ALG1: variants seen among roughly 807,000 people sequenced by gnomAD.
ALG1 encodes ALG1 chitobiosyldiphosphodolichol beta-mannosyltransferase, also known as chitobiosyldiphosphodolichol beta-mannosyltransferase.
ALG1 carries 58 observed loss-of-function variants against 55.1 expected under a neutral mutation model. The observed-to-expected ratio is 1.05, with a 90% CI of 0.85 to 1.31. ALG1 has a LOEUF of 1.31. ALG1 is among the 50% of genes most tolerant of loss of function. ALG1 has a pLI of 0.00. For synonymous variants in ALG1, 309 were observed against 247.0 expected, an observed-to-expected ratio of 1.25 and a Z score of -2.35; for missense variants, 761 against 598.6, an observed-to-expected ratio of 1.27 and a Z score of -2.83.
rs1482301120 is a variant in ALG1, at chr16:5,078,967, C to G, written c.862+89C>G. 5 of 1,594,712 alleles carry G rather than the reference C, an allele frequency of 3.1e-6. No homozygotes were observed. In the Admixed American group the frequency reaches 7.0e-5, roughly 22 times the overall value. On this transcript the variant is annotated intron_variant, in intron 7 of 12. Coordinates refer to ENST00000262374, the MANE Select transcript of ALG1 (RefSeq NM_019109.5). ...CTCACCCCTGCCAGTCCTGCATGCT[C>G]CCACCCTGCCACGGTCTCAATGAGA... is the stretch of plus-strand genomic sequence containing the variant.
At position 5,075,474 on chromosome 16, in the gene ALG1, T is replaced by C. The variant is rs145487895; in HGVS notation, c.477T>C (p.Tyr159=). 2.4e-5 allele frequency: 38 copies of C among 1,614,086 alleles called. No homozygotes were observed. The African/African-American group carries it at 4.7e-4, about 20-fold the overall frequency. Residue 159 remains tyrosine, a synonymous_variant, in exon 4 of 13, where the codon TAT becomes TAC. Coordinates refer to ENST00000262374, the MANE Select transcript of ALG1 (RefSeq NM_019109.5). ...AGCTCGTCATTGACTGGCACAACTATGGCTACTCCATCATGGGTCTGGTGC... is the reference window on the plus strand; with the variant it reads ...AGCTCGTCATTGACTGGCACAACTACGGCTACTCCATCATGGGTCTGGTGC... The part of the protein sequence containing the change: ...GSKLVIDWHN[Y]GYSIMGLVHG...
intron 6 of ALG1, 26 bp from the exon 7 acceptor site, chr16:5,078,731 C>T (rs1956959659): frequency 1.2e-6 from 2 of 1,612,410 alleles, no homozygotes; most frequent in African/African-American, 1.3e-5. Context: ...TATGGCCTCT[C>T]ACAGGCTTTT....
chr16:5,073,494 C>T, intron 3 of ALG1: 1 of 572,732 alleles, frequency 1.7e-6, no homozygotes, highest in Non-Finnish European at 3.1e-6. Flanking sequence ...TGTATTAACT[C>T]ATTTAGTCCT....
At chr16:5,076,575 G>T (rs1345673267) in intron 4 of ALG1, among the ~76,000 whole-genome samples, 1 of 152,210 alleles carries the variant, frequency 6.6e-6, no homozygotes. Context: ...AGAGGAACAG[G>T]CGATGATACC....
Position 5,075,467 on chromosome 16 carries a change from A to G in ALG1, c.470A>G (p.His157Arg). 1 of 1,614,146 alleles carries G rather than the reference A, an allele frequency of 6.2e-7. No homozygotes were observed. The highest frequency in any genetic ancestry group is 8.5e-7 in the Non-Finnish European group (1 of 1,180,038). ...LCGSKLVIDWHNYGYSIMGLV... is the reference protein window; with the variant it reads ...LCGSKLVIDWRNYGYSIMGLV... Reference sequence around the variant, plus strand: ...GGAAGCAAGCTCGTCATTGACTGGCACAACTATGGCTACTCCATCATGGGT... The same window carrying G: ...GGAAGCAAGCTCGTCATTGACTGGCGCAACTATGGCTACTCCATCATGGGT... The change falls in exon 4 of 13, where the codon CAC becomes CGC. Residue 157 changes from histidine to arginine, a missense_variant. His to Arg is a conservative substitution (Grantham distance 29). Coordinates refer to ENST00000262374, the MANE Select transcript of ALG1 (RefSeq NM_019109.5).
chr16:5,084,468 G>A (rs1376080461), intron 12 of ALG1: 1 of 580,660 alleles, frequency 1.7e-6, no homozygotes, highest in African/African-American at 1.9e-5. Flanking sequence ...CAGAGGCCGA[G>A]AGGAGGGTGC....
chr16:5,083,648 G>A (rs1261582866), intron 11 of ALG1, 34 bp from the exon 12 acceptor site: 3 of 1,600,558 alleles, frequency 1.9e-6, no homozygotes, highest in Non-Finnish European at 2.5e-6. Context: ...GTCTTCTACA[G>A]GCAGCTCTCA....
chr16:5,080,134 C>T (rs1167473880), intron 9 of ALG1, among the ~76,000 whole-genome samples: 1 of 143,624 alleles, frequency 7.0e-6, no homozygotes, highest in African/African-American at 2.6e-5. Context: ...GTGGTGCGAT[C>T]TCGGCTCACT....
chr16:5,078,442 G>T, intron 6 of ALG1: 1 of 615,628 alleles, frequency 1.6e-6, no homozygotes. Flanking sequence ...ACCCTGAGGT[G>T]TGCCCTGGGT....
rs709261 is a variant in ALG1, at chr16:5,084,971, A to G, written c.*90A>G. ...CTCAGGGCAAACCCTTTCGAGCAGC[A>G]CCTCCCAGTGGCCAGAAGCTGAAAT... On this transcript the variant is annotated 3_prime_UTR_variant, in exon 13 of 13. Transcript: ENST00000262374. The G allele has an allele frequency of 1.9e-6, 3 of 1,589,810 alleles. No homozygotes were observed. The African/African-American group carries it at 4.0e-5, about 21-fold the overall frequency.
chr16:5,079,737 T>A lies in ALG1; in HGVS notation c.902-11T>A. 1 of 1,611,668 alleles carries A rather than the reference T, an allele frequency of 6.2e-7. No individual in the cohort carries two copies. The highest frequency in any genetic ancestry group is 8.5e-7 in the Non-Finnish European group (1 of 1,179,582). On this transcript the variant is annotated splice_polypyrimidine_tract_variant and intron_variant, in intron 8 of 12. Coordinates refer to ENST00000262374, the MANE Select transcript of ALG1 (RefSeq NM_019109.5). ...AATTCCATGTAGAATTGTTTCTTTTTCTAAACACAGAGTTTGAACAACTGA... is the reference window on the plus strand; with the variant it reads ...AATTCCATGTAGAATTGTTTCTTTTACTAAACACAGAGTTTGAACAACTGA...
In ALG1 at chr16:5,073,269, C is replaced by G; in HGVS notation, c.390+13C>G. 1 of 1,609,700 alleles carries G rather than the reference C, an allele frequency of 6.2e-7. No individual in the cohort carries two copies. On this transcript the variant is annotated intron_variant, in intron 3 of 12. Coordinates refer to ENST00000262374, the MANE Select transcript of ALG1 (RefSeq NM_019109.5). ...TATCTTTCTCCAGGTGTGTATCAGCCTCTGCCTCCCTCTGTGAGAGCCATG... is the reference window on the plus strand; with the variant it reads ...TATCTTTCTCCAGGTGTGTATCAGCGTCTGCCTCCCTCTGTGAGAGCCATG...
chr16:5,077,814 C>G, intron 5 of ALG1, 93 bp from the exon 6 acceptor site: 2 of 1,245,718 alleles, frequency 1.6e-6, no homozygotes, highest in Non-Finnish European at 2.3e-6. Context: ...CTTGGATTCC[C>G]CAAGCGTCCT....
chr16:5,082,190 C>T (rs1220066042), intron 10 of ALG1, among the ~76,000 whole-genome samples: 1 of 152,106 alleles, frequency 6.6e-6, no homozygotes, highest in African/African-American at 2.4e-5. Context: ...GGTGATCTGC[C>T]CGCCTTGGCC....
At chr16:5,076,859 A>T (rs1252408588) in intron 4 of ALG1, among the ~76,000 whole-genome samples, 3 of 134,322 alleles carry the variant, frequency 2.2e-5, no homozygotes, top group Non-Finnish European at 4.5e-5. Flanking sequence ...CAATGGCGCC[A>T]TCTCGGCTCA....
In ALG1 at chr16:5,078,793, C is replaced by G; in HGVS notation, c.777C>G (p.Ala259=). 6.2e-7 allele frequency: 1 copy of G among 1,612,906 alleles called. No homozygotes were observed. Among genetic ancestry groups the G allele is most frequent in the Non-Finnish European group, 8.5e-7 (1 of 1,179,798 alleles). Reference sequence around the variant, plus strand: ...AGGACCCAGTCACGGAGCGGTCGGCCTTCACGGAGCGGGATGCTGGGAGCG... The same window carrying G: ...AGGACCCAGTCACGGAGCGGTCGGCGTTCACGGAGCGGGATGCTGGGAGCG... ...EPEDPVTERS[A]FTERDAGSGL... The change falls in exon 7 of 13, where the codon GCC becomes GCG. Residue 259 remains alanine (A), a synonymous_variant. Coordinates refer to ENST00000262374, the MANE Select transcript of ALG1 (RefSeq NM_019109.5).
chr16:5,079,195 G>C, intron 8 of ALG1, 93 bp downstream of exon 8: 16 of 1,522,174 alleles, frequency 1.1e-5, no homozygotes, highest in Non-Finnish European at 1.4e-5. Context: ...TCCTGTCCCA[G>C]GCCACTGGGT....
intron 1 of ALG1, among the ~76,000 whole-genome samples, chr16:5,072,502 C>T (rs77166554): frequency 0.015 from 2,355 of 152,354 alleles, 21 homozygotes; most frequent in South Asian, 0.028. Flanking sequence ...GCGGTGTCTG[C>T]TCCCTCATTA....
chr16:5,086,111 G>A lies in ALG1; in HGVS notation c.*1230G>A, dbSNP rs537130220. ...AACACTTTGGGAGGCCAAGGCGGGC[G>A]GATCACTTGAGGTCAGGAGTTCGAG... On this transcript the variant is annotated 3_prime_UTR_variant, in exon 13 of 13. Transcript: ENST00000262374. 3.3e-5 allele frequency among the ~76,000 whole-genome samples: 5 copies of A among 152,256 alleles called. No individual in the cohort carries two copies. The highest frequency in any genetic ancestry group is 1.2e-4 in the African/African-American group (5 of 41,552).
Sources: allele counts gnomAD v4.1 joint callset (sites outside exome capture counted in the v4.1 genomes callset), GRCh38; gene constraint gnomAD v4.1.1; transcripts MANE v1.5; gene names NCBI Gene and HGNC (gene_info 2026-07-23, HGNC 2026-07-21).